Variants in RNF180 observed in about 807,000 individuals in gnomAD.
RNF180 encodes the protein ring finger protein 180.
In RNF180, 38 loss-of-function variants were observed where a neutral mutation model predicts 59.2. The ratio of observed to expected loss-of-function variants is 0.64; its 90% CI spans 0.50 to 0.84. The LOEUF (loss-of-function observed/expected upper bound fraction) is 0.84, where lower values mean the gene tolerates loss of function less well. RNF180 is among the 40% of genes least tolerant of loss of function. The pLI is 0.00. For synonymous variants in RNF180, 262 were observed against 240.3 expected (o/e 1.09, Z -0.84); for missense variants, 705 against 700.9 (o/e 1.01, Z -0.07).
chr5:64,319,025 G>A (rs916266204), intron 5 of RNF180, among the ~76,000 whole-genome samples: 11 of 151,976 alleles, frequency 7.2e-5, no homozygotes, highest in African/African-American at 1.9e-4. Flanking sequence ...ATTAAAGTTC[G>A]TTCATCATTT....
chr5:64,359,319 T>C lies in RNF180; in HGVS notation c.1580-10296T>C, dbSNP rs1348975144. Among the ~76,000 whole-genome samples the C allele has an allele frequency of 5.0e-3, 736 of 147,556 alleles. 4 individuals carry two copies. Among genetic ancestry groups the C allele is most frequent in the African/African-American group, 0.017 (703 of 40,382 alleles). On this transcript the variant is annotated intron_variant, in intron 7 of 7. Coordinates refer to ENST00000389100, the MANE Select transcript of RNF180 (RefSeq NM_001113561.2). ...CTGTTGTTTCCTGACTTTTTAATGATTGCCATTCTAACTGGTGTGAGATGG... is the reference window on the plus strand; with the variant it reads ...CTGTTGTTTCCTGACTTTTTAATGACTGCCATTCTAACTGGTGTGAGATGG...
chr5:64,212,257 C>G, intron 3 of RNF180, 97 bp downstream of exon 3: 1 of 713,210 alleles, frequency 1.4e-6, no homozygotes, highest in Admixed American at 2.2e-5. Flanking sequence ...CATTCCTTGG[C>G]CAACCTCTTA....
intron 5 of RNF180, among the ~76,000 whole-genome samples, chr5:64,252,032 C>CA (rs1028890059): frequency 2.1e-4 from 32 of 151,804 alleles, no homozygotes; most frequent in East Asian, 1.2e-3. Flanking sequence ...CACAAAAATA[C>CA]AAAAAAAATC....
In RNF180 at chr5:64,257,597, C is replaced by A. The variant is rs564786991; in HGVS notation, c.1227+40201C>A. On this transcript the variant is annotated intron_variant, in intron 5 of 7. Coordinates refer to ENST00000389100, the MANE Select transcript of RNF180 (RefSeq NM_001113561.2). Reference sequence around the variant, plus strand: ...AAGCTTTTTGATGTGCTGCTGAATTCGGTTTGCCAGTATTTTATTGAGGAT... The same window carrying A: ...AAGCTTTTTGATGTGCTGCTGAATTAGGTTTGCCAGTATTTTATTGAGGAT... 1.6e-4 allele frequency among the ~76,000 whole-genome samples: 24 copies of A among 152,254 alleles called. No homozygotes were observed. In the South Asian group the frequency reaches 5.0e-3, roughly 32 times the overall value.
At chr5:64,365,321 A>G (rs761936170) in intron 7 of RNF180, among the ~76,000 whole-genome samples, 12 of 151,204 alleles carry the variant, frequency 7.9e-5, no homozygotes, top group Non-Finnish European at 1.3e-4. Flanking sequence ...TAGTTTTGGG[A>G]CCTCTTCTTA....
chr5:64,342,545 T>C (rs1266796680), intron 7 of RNF180, among the ~76,000 whole-genome samples: 1 of 152,132 alleles, frequency 6.6e-6, no homozygotes, highest in Non-Finnish European at 1.5e-5. Flanking sequence ...TGAAATCTCT[T>C]GTAGTCTCAG....
At chr5:64,319,545 ATAAACT>A (rs1478452926) in intron 5 of RNF180, among the ~76,000 whole-genome samples, 2 of 152,238 alleles carry the variant, frequency 1.3e-5, no homozygotes, top group African/African-American at 2.4e-5. Context: ...TGCCTTTTCT[ATAAACT>A]TGAAATTATT....
At chr5:64,177,159 T>G (rs1326810835) in intron 1 of RNF180, among the ~76,000 whole-genome samples, 1 of 152,182 alleles carries the variant, frequency 6.6e-6, no homozygotes, top group African/African-American at 2.4e-5. Context: ...GACTTAGAAC[T>G]ACTAAGGCTG....
intron 1 of RNF180, among the ~76,000 whole-genome samples, chr5:64,191,150 T>C (rs1751136769): frequency 6.6e-6 from 1 of 152,206 alleles, no homozygotes; most frequent in African/African-American, 2.4e-5. Context: ...TAGAGCAGTC[T>C]GTTTATAGAA....
At chr5:64,209,077 A>G (rs1199607872) in intron 2 of RNF180, among the ~76,000 whole-genome samples, 2 of 152,046 alleles carry the variant, frequency 1.3e-5, no homozygotes, top group African/African-American at 4.8e-5. Context: ...CCTAAAAACT[A>G]TAGTATTTTA....
intron 2 of RNF180, among the ~76,000 whole-genome samples, chr5:64,206,819 C>T (rs1752040937): frequency 6.6e-6 from 1 of 152,140 alleles, no homozygotes; most frequent in African/African-American, 2.4e-5. Context: ...AGTAAGCAGC[C>T]ACCTGCAGGC....
intron 1 of RNF180, among the ~76,000 whole-genome samples, chr5:64,169,050 T>C (rs988349251): frequency 3.3e-5 from 5 of 152,204 alleles, no homozygotes; most frequent in African/African-American, 1.2e-4. Flanking sequence ...GGGCTACTTA[T>C]GCCAGCTTAG....
chr5:64,254,999 C>T (rs1237564673), intron 5 of RNF180, among the ~76,000 whole-genome samples: 1 of 152,132 alleles, frequency 6.6e-6, no homozygotes, highest in East Asian at 1.9e-4. Context: ...ACAAGCAAAT[C>T]ACATTCTCCA....
intron 7 of RNF180, among the ~76,000 whole-genome samples, chr5:64,359,566 G>T (rs1327545885): frequency 6.6e-6 from 1 of 151,700 alleles, no homozygotes; most frequent in Admixed American, 6.6e-5. Context: ...TTGTGAAAAT[G>T]TTCTCCCATT....
intron 5 of RNF180, among the ~76,000 whole-genome samples, chr5:64,320,326 G>C (rs915949747): frequency 3.9e-5 from 6 of 152,180 alleles, no homozygotes; most frequent in Non-Finnish European, 8.8e-5. Flanking sequence ...CTGGTTCTTG[G>C]AGCTGGAGGG....
chr5:64,189,010 A>G (rs1462674746), intron 1 of RNF180, among the ~76,000 whole-genome samples: 1 of 152,072 alleles, frequency 6.6e-6, no homozygotes, highest in Non-Finnish European at 1.5e-5. Context: ...AGAGGAAGAG[A>G]CATCTGAAGT....
intron 5 of RNF180, among the ~76,000 whole-genome samples, chr5:64,302,601 C>A (rs761291504): frequency 6.6e-6 from 1 of 151,604 alleles, no homozygotes; most frequent in Non-Finnish European, 1.5e-5. Flanking sequence ...CATGGCAGAA[C>A]TGTCTAAACC....
At position 64,180,246 on chromosome 5, in the gene RNF180, G is replaced by GT. The variant is rs559809955; in HGVS notation, c.-1+14299dup. On this transcript the variant is annotated intron_variant, in intron 1 of 7. Transcript: ENST00000389100. ...TCACTTTGCCATTTTATTCTACTCTGTTTTTTGAAACATGACCCAGCCTAT... is the reference window on the plus strand; with the variant it reads ...TCACTTTGCCATTTTATTCTACTCTGTTTTTTTGAAACATGACCCAGCCTAT... 9.3e-3 allele frequency among the ~76,000 whole-genome samples: 1,410 copies of GT among 152,120 alleles called. 10 individuals carry two copies. Among genetic ancestry groups the GT allele is most frequent in the Admixed American group, 0.014 (209 of 15,280 alleles).
chr5:64,171,858 C>CT (rs1749953518), intron 1 of RNF180, among the ~76,000 whole-genome samples: 2 of 151,970 alleles, frequency 1.3e-5, no homozygotes, highest in African/African-American at 4.8e-5. Context: ...CCACCAATAA[C>CT]TAACAGCATC....
Sources: allele counts gnomAD v4.1 joint callset (sites outside exome capture counted in the v4.1 genomes callset), GRCh38; gene constraint gnomAD v4.1.1; transcripts MANE v1.5; gene names NCBI Gene and HGNC (gene_info 2026-07-23, HGNC 2026-07-21).